The following DNAH17 variants were observed in gnomAD, a reference collection of about 807,000 sequenced individuals.
DNAH17 encodes the protein axonemal beta dynein heavy chain 17.
In DNAH17, 376 loss-of-function variants were observed where a neutral mutation model predicts 485.6. The observed-to-expected ratio is 0.77, with a 90% CI of 0.71 to 0.84. The LOEUF (loss-of-function observed/expected upper bound fraction) is 0.84. Among genes scored for constraint, DNAH17 ranks in the 40% least tolerant of loss-of-function variants. DNAH17 has a pLI of 0.00. For synonymous variants in DNAH17, 3,031 were observed against 2,405.9 expected, an observed-to-expected ratio of 1.26 and a Z score of -7.60; for missense variants, 6,370 against 5,839.3, an observed-to-expected ratio of 1.09 and a Z score of -2.96.
intron 74 of DNAH17, 137 bp downstream of exon 74, chr17:78,437,504 G>C (rs1043444807): frequency 5.1e-6 from 3 of 586,994 alleles, no homozygotes; most frequent in Non-Finnish European, 3.0e-6. Flanking sequence ...ACTGCGAGGG[G>C]TGTGTGGACA....
At chr17:78,498,175 A>G (rs1568157211) in intron 37 of DNAH17, among the ~76,000 whole-genome samples, 1 of 151,356 alleles carries the variant, frequency 6.6e-6, no homozygotes, top group African/African-American at 2.4e-5. Context: ...AAATAAATAA[A>G]TAAATAAATA....
At chr17:78,460,321 C>CGTGCATATGT (rs1555659305) in intron 58 of DNAH17, 64 bp from the exon 59 acceptor site, 5 of 872,166 alleles carry the variant, frequency 5.7e-6, no homozygotes, top group Non-Finnish European at 8.8e-6. Flanking sequence ...GGGGCGTGTA[C>CGTGCATATGT]GTGCATGTGT....
At chr17:78,462,658 G>A (rs1436417949) in intron 57 of DNAH17, among the ~76,000 whole-genome samples, 186 bp downstream of exon 57, 1 of 152,176 alleles carries the variant, frequency 6.6e-6, no homozygotes, top group Non-Finnish European at 1.5e-5. Context: ...TCTGTTTTTT[G>A]TTACGACAAG....
chr17:78,426,673 A>T, intron 78 of DNAH17, 73 bp from the exon 79 acceptor site: 2 of 1,525,162 alleles, frequency 1.3e-6, no homozygotes, highest in Non-Finnish European at 1.8e-6. Context: ...AGTGCGTGTC[A>T]TGAGTTGTCA....
Position 78,458,586 on chromosome 17 carries a change from C to T in DNAH17, c.9956G>A (p.Arg3319Lys). The T allele has an allele frequency of 6.2e-7, 1 of 1,614,000 alleles. No individual in the cohort carries two copies. The highest frequency in any genetic ancestry group is 8.5e-7 in the Non-Finnish European group (1 of 1,179,878). The change falls in exon 62 of 81, where the codon AGG becomes AAG. Residue 3319 changes from arginine (R) to lysine (K), a missense_variant. Arg to Lys is a conservative substitution (Grantham distance 26). Coordinates refer to ENST00000389840, the MANE Select transcript of DNAH17 (RefSeq NM_173628.4). ...ATACCTGTTCGCCAGTAAGATCACC[C>T]TGTTCGTGGCATCGGCCTCTTGCTG... is the stretch of plus-strand genomic sequence containing the variant. The part of the protein sequence containing the change: ...KCQQEADATN[R>K]VILLANRLVG...
chr17:78,463,869 G>T (rs758695866), intron 56 of DNAH17, among the ~76,000 whole-genome samples: 1 of 151,852 alleles, frequency 6.6e-6, no homozygotes, highest in South Asian at 2.1e-4. Flanking sequence ...ACATTTCAGG[G>T]TATATATATA....
At chr17:78,454,080 A>C (rs1568073167) in intron 64 of DNAH17, among the ~76,000 whole-genome samples, 3 of 152,138 alleles carry the variant, frequency 2.0e-5, no homozygotes, top group Admixed American at 6.5e-5. Context: ...TGGATTTTCC[A>C]GCACCGCTAG....
intron 4 of DNAH17, 45 bp from the exon 5 acceptor site, chr17:78,571,423 C>A (rs117047821): frequency 6.4e-7 from 1 of 1,555,564 alleles, no homozygotes. Context: ...CCTGGAAGAC[C>A]CTAAGGCGAG....
chr17:78,502,022 C>T lies in DNAH17; in HGVS notation c.5191-149G>A. ...CAAGAGCGCCCTCGGTAGGCCCCAG[C>T]CAGGCACTGGTTTCACCAGGGTGCG... On this transcript the variant is annotated intron_variant, in intron 33 of 80. Transcript: ENST00000389840. The T allele has an allele frequency of 3.5e-6, 4 of 1,141,362 alleles. No homozygotes were observed. In the South Asian group the frequency reaches 6.0e-5, roughly 17 times the overall value. The allele number at this position is 1,141,362 out of a possible 1,614,324, so 70.7% of individuals were successfully genotyped here.
At position 78,560,866 on chromosome 17, in the gene DNAH17, G is replaced by A; in HGVS notation, c.1905C>T (p.Cys635=). The change falls in exon 13 of 81, where the codon TGC becomes TGT. Residue 635 remains cysteine (C), a synonymous_variant. Transcript: ENST00000389840. ...ACTGCTGGTAGATCTTCTCGCGGTG[G>A]CACCTCAGCAGCTCCATCATCTCGT... ...KYDEMMELLR[C]HREKIYQQWV... The A allele has an allele frequency of 6.4e-7, 1 of 1,551,652 alleles. No homozygotes were observed. Among genetic ancestry groups the A allele is most frequent in the African/African-American group, 1.4e-5 (1 of 73,154 alleles).
chr17:78,456,163 G>A (rs1226191455), intron 62 of DNAH17, among the ~76,000 whole-genome samples: 1 of 152,154 alleles, frequency 6.6e-6, no homozygotes. Context: ...GCCAGGCGTG[G>A]TGGCCCATGC....
chr17:78,502,111 G>A (rs1273685645), intron 33 of DNAH17: 1 of 549,316 alleles, frequency 1.8e-6, no homozygotes, highest in Non-Finnish European at 3.2e-6. Flanking sequence ...AAGGCCACGA[G>A]AGAGGGTGGA....
At chr17:78,484,561 G>T (rs527287504) in intron 48 of DNAH17, among the ~76,000 whole-genome samples, 28 of 107,842 alleles carry the variant, frequency 2.6e-4, no homozygotes, top group African/African-American at 6.6e-4. Flanking sequence ...TCGGTGGAAG[G>T]GGGGAAGGAG....
intron 71 of DNAH17, among the ~76,000 whole-genome samples, chr17:78,443,602 C>T (rs1169790548): frequency 3.3e-5 from 5 of 152,102 alleles, no homozygotes; most frequent in African/African-American, 4.8e-5. Context: ...CAGGCTGGAG[C>T]GCAGTGGCAC....
In DNAH17 at chr17:78,434,151, C is replaced by T. The variant is rs746227487; in HGVS notation, c.12103G>A (p.Ala4035Thr). The T allele has an allele frequency of 1.4e-5, 22 of 1,613,608 alleles. No homozygotes were observed. Among genetic ancestry groups the T allele is most frequent in the East Asian group, 4.5e-5 (2 of 44,880 alleles). ...AACTTGCGCCTCTCTGCCACCACAG[C>T]GTGGAAGTAGCACAGGGCGAAGAGC... ...CMLFALCYFHAVVAERRKFGA... is the reference protein window; with the variant it reads ...CMLFALCYFHTVVAERRKFGA... Residue 4035 changes from alanine (A) to threonine (T), a missense_variant, in exon 75 of 81, where the codon GCT becomes ACT. Transcript: ENST00000389840.
chr17:78,465,984 G>A (rs1437526672), intron 56 of DNAH17, among the ~76,000 whole-genome samples: 2 of 152,224 alleles, frequency 1.3e-5, no homozygotes, highest in African/African-American at 2.4e-5. Context: ...TTTGTGGAAT[G>A]GAGAGGCGGG....
chr17:78,564,578 G>C (rs1051906084), intron 11 of DNAH17, among the ~76,000 whole-genome samples: 3 of 151,952 alleles, frequency 2.0e-5, no homozygotes, highest in African/African-American at 7.3e-5. Flanking sequence ...GGGCAGTCCT[G>C]ACGCTTTTGT....
chr17:78,566,033 T>TC (rs779331704), intron 11 of DNAH17, among the ~76,000 whole-genome samples: 1 of 151,888 alleles, frequency 6.6e-6, no homozygotes, highest in Non-Finnish European at 1.5e-5. Flanking sequence ...CCCAGAGACC[T>TC]CCCTTGCCCC....
intron 80 of DNAH17, 30 bp downstream of exon 80, chr17:78,425,316 C>G: frequency 6.2e-7 from 1 of 1,600,878 alleles, no homozygotes; most frequent in South Asian, 1.1e-5. Flanking sequence ...GCTCTGGAAG[C>G]TTCTGCAGAC....
Sources: allele counts gnomAD v4.1 joint callset (sites outside exome capture counted in the v4.1 genomes callset), GRCh38; gene constraint gnomAD v4.1.1; transcripts MANE v1.5; gene names NCBI Gene and HGNC (gene_info 2026-07-23, HGNC 2026-07-21).